Variants in LMNTD1 observed in about 807,000 individuals in gnomAD.
The protein encoded by LMNTD1 is lamin tail domain-containing protein 1.
In LMNTD1, 35 loss-of-function variants were observed where a neutral mutation model predicts 50.9. The ratio of observed to expected loss-of-function variants is 0.69; its 90% CI spans 0.53 to 0.91. The LOEUF (loss-of-function observed/expected upper bound fraction) is 0.91. Among genes scored for constraint, LMNTD1 ranks in the 40% least tolerant of loss-of-function variants. The probability of loss-of-function intolerance (pLI) is 0.00; values close to 1 mark genes in which losing one functional copy is unlikely to be tolerated. For missense variants in LMNTD1, 470 were observed against 475.5 expected (o/e 0.99, Z 0.11); for synonymous variants, 153 against 161.9 (o/e 0.94, Z 0.42).
At chr12:25,594,478 A>G (rs1945789172) in intron 1 of LMNTD1, among the ~76,000 whole-genome samples, 1 of 152,090 alleles carries the variant, frequency 6.6e-6, no homozygotes, top group Admixed American at 6.6e-5. Context: ...TCTTATATGA[A>G]GGAAACATAG....
chr12:25,545,183 T>A (rs1332410750), intron 4 of LMNTD1, among the ~76,000 whole-genome samples: 1 of 151,738 alleles, frequency 6.6e-6, no homozygotes, highest in East Asian at 1.9e-4. Context: ...AGCTTTTGTT[T>A]GGGAAAGATT....
At chr12:25,597,826 T>A (rs1294722921) in intron 1 of LMNTD1, among the ~76,000 whole-genome samples, 1 of 152,114 alleles carries the variant, frequency 6.6e-6, no homozygotes, top group East Asian at 1.9e-4. Flanking sequence ...AATAAAACTA[T>A]ACATTAATAA....
At chr12:25,539,758 A>C (rs1942910453) in intron 4 of LMNTD1, among the ~76,000 whole-genome samples, 1 of 125,616 alleles carries the variant, frequency 8.0e-6, no homozygotes. Flanking sequence ...GACACAAAAA[A>C]CCCTTTAAAA....
At chr12:25,583,980 A>C (rs1322708576) in intron 1 of LMNTD1, among the ~76,000 whole-genome samples, 1 of 152,184 alleles carries the variant, frequency 6.6e-6, no homozygotes, top group Non-Finnish European at 1.5e-5. Context: ...AGAAGATGAG[A>C]CTGCTTCCAT....
At chr12:25,519,586 T>TTAAAAAAAAAA (rs781742784) in intron 7 of LMNTD1, among the ~76,000 whole-genome samples, 5 of 74,954 alleles carry the variant, frequency 6.7e-5, no homozygotes, top group Admixed American at 1.5e-4. Flanking sequence ...AGACTCTGTC[T>TTAAAAAAAAAA]CAAAAAAAAA....
intron 9 of LMNTD1, among the ~76,000 whole-genome samples, chr12:25,489,326 G>T (rs138315134): frequency 6.8e-6 from 1 of 147,080 alleles, no homozygotes; most frequent in Non-Finnish European, 1.5e-5. Flanking sequence ...GATATAGTCT[G>T]GTGGTGCGCC....
chr12:25,515,662 T>G (rs1292048840), intron 8 of LMNTD1, among the ~76,000 whole-genome samples: 5 of 152,124 alleles, frequency 3.3e-5, no homozygotes, highest in African/African-American at 1.2e-4. Flanking sequence ...ATACTTGCTG[T>G]ATTTTAACAT....
intron 1 of LMNTD1, among the ~76,000 whole-genome samples, chr12:25,620,509 T>G (rs1444710395): frequency 1.3e-5 from 2 of 152,192 alleles, no homozygotes; most frequent in Non-Finnish European, 2.9e-5. Context: ...ATATAAATGC[T>G]TCTTTTCTTC....
At chr12:25,524,161 A>G (rs757054662) in intron 6 of LMNTD1, among the ~76,000 whole-genome samples, 3 of 152,168 alleles carry the variant, frequency 2.0e-5, no homozygotes, top group Non-Finnish European at 4.4e-5. Flanking sequence ...TACAGAGTTG[A>G]TATTTCTGAC....
chr12:25,515,337 T>C (rs1940675874), intron 8 of LMNTD1, among the ~76,000 whole-genome samples: 1 of 152,058 alleles, frequency 6.6e-6, no homozygotes, highest in South Asian at 2.1e-4. Context: ...CTGAATTAGG[T>C]CTCTCTATAT....
At chr12:25,519,548 A>G (rs1335527598) in intron 7 of LMNTD1, among the ~76,000 whole-genome samples, 1 of 134,620 alleles carries the variant, frequency 7.4e-6, no homozygotes, top group Admixed American at 8.5e-5. Flanking sequence ...AGATGGCGCC[A>G]CTGCACTCCA....
intron 1 of LMNTD1, among the ~76,000 whole-genome samples, chr12:25,622,493 A>G (rs1246781381): frequency 7.4e-6 from 1 of 134,306 alleles, no homozygotes; most frequent in African/African-American, 2.7e-5. Context: ...TAATATCAAC[A>G]TCATTGGCTT....
chr12:25,482,171 A>ATGTACACAT (rs1226825209), intron 9 of LMNTD1, among the ~76,000 whole-genome samples: 1 of 152,028 alleles, frequency 6.6e-6, no homozygotes, highest in African/African-American at 2.4e-5. Context: ...TGTCATCAGC[A>ATGTACACAT]TGTACACATT....
chr12:25,489,119 T>TGGCA (rs1565937328), intron 9 of LMNTD1, among the ~76,000 whole-genome samples: 1 of 152,058 alleles, frequency 6.6e-6, no homozygotes, highest in African/African-American at 2.4e-5. Flanking sequence ...GAGCCTACAG[T>TGGCA]GGCAGGCAGG....
chr12:25,627,745 C>T (rs1438663019), intron 1 of LMNTD1, among the ~76,000 whole-genome samples: 2 of 152,200 alleles, frequency 1.3e-5, no homozygotes, highest in African/African-American at 4.8e-5. Context: ...TTTTATTGCA[C>T]ATATTCATGA....
At chr12:25,533,869 T>TTG (rs907035375) in intron 4 of LMNTD1, among the ~76,000 whole-genome samples, 3 of 152,212 alleles carry the variant, frequency 2.0e-5, no homozygotes, top group African/African-American at 7.2e-5. Flanking sequence ...AGCCTCAAAA[T>TTG]TGTTTTAAAC....
chr12:25,595,312 T>C (rs1185820478), intron 1 of LMNTD1, among the ~76,000 whole-genome samples: 1 of 152,064 alleles, frequency 6.6e-6, no homozygotes, highest in African/African-American at 2.4e-5. Context: ...TTCTCCAAGA[T>C]AGACTATATA....
At chr12:25,498,438 T>C (rs1939188992) in intron 9 of LMNTD1, among the ~76,000 whole-genome samples, 1 of 152,170 alleles carries the variant, frequency 6.6e-6, no homozygotes, top group Admixed American at 6.5e-5. Context: ...ATTCTTTCAT[T>C]AGGAAGCTGA....
chr12:25,514,147 C>G (rs1391387340), intron 8 of LMNTD1, among the ~76,000 whole-genome samples: 1 of 152,048 alleles, frequency 6.6e-6, no homozygotes, highest in Non-Finnish European at 1.5e-5. Context: ...TGATTACGTA[C>G]CAATAACAAC....
Sources: allele counts gnomAD v4.1 joint callset (sites outside exome capture counted in the v4.1 genomes callset), GRCh38; gene constraint gnomAD v4.1.1; transcripts MANE v1.5; gene names NCBI Gene and HGNC (gene_info 2026-07-23, HGNC 2026-07-21).